Variants in NNT observed in about 807,000 individuals in gnomAD.
The protein encoded by NNT is NAD(P) transhydrogenase, mitochondrial.
NNT carries 50 observed loss-of-function variants against 104.8 expected under a neutral mutation model. That is an observed-to-expected ratio of 0.48 (90% CI 0.38 to 0.60). The LOEUF (loss-of-function observed/expected upper bound fraction) is 0.60. NNT is among the 20% of genes least tolerant of loss of function. The pLI is 0.00. For synonymous variants in NNT, 461 were observed against 490.4 expected (o/e 0.94, Z 0.79); for missense variants, 1,131 against 1,330.7 (o/e 0.85, Z 2.33).
chr5:43,698,177 G>A (rs955770310), intron 19 of NNT, among the ~76,000 whole-genome samples: 1 of 151,120 alleles, frequency 6.6e-6, no homozygotes, highest in Non-Finnish European at 1.5e-5. Flanking sequence ...ATATAATCTT[G>A]TATTAAGACT....
intron 1 of NNT, among the ~76,000 whole-genome samples, chr5:43,603,930 C>T (rs1749068588): frequency 1.3e-5 from 2 of 152,118 alleles, no homozygotes; most frequent in Admixed American, 1.3e-4. Flanking sequence ...GCGACCTGGG[C>T]AGAGCTAGTT....
At chr5:43,633,509 G>T (rs1194551455) in intron 7 of NNT, among the ~76,000 whole-genome samples, 3 of 152,050 alleles carry the variant, frequency 2.0e-5, no homozygotes, top group Non-Finnish European at 4.4e-5. Flanking sequence ...AGTTTCTATT[G>T]CCTCCTGCTC....
At chr5:43,693,821 C>T (rs1198589986) in intron 19 of NNT, among the ~76,000 whole-genome samples, 1 of 152,130 alleles carries the variant, frequency 6.6e-6, no homozygotes, top group East Asian at 1.9e-4. Flanking sequence ...GGATGACCAC[C>T]TAAAACTAAT....
At chr5:43,683,151 G>A (rs1417387196) in intron 19 of NNT, among the ~76,000 whole-genome samples, 2 of 152,226 alleles carry the variant, frequency 1.3e-5, no homozygotes, top group Non-Finnish European at 2.9e-5. Flanking sequence ...CATGGTGGCA[G>A]GATAGTGGGT....
intron 1 of NNT, among the ~76,000 whole-genome samples, chr5:43,607,778 T>G (rs1749303446): frequency 6.6e-6 from 1 of 152,028 alleles, no homozygotes; most frequent in South Asian, 2.1e-4. Context: ...GAGCTAAGTC[T>G]TTCTCCCTCT....
intron 16 of NNT, among the ~76,000 whole-genome samples, chr5:43,657,294 G>C (rs939652814): frequency 6.6e-6 from 1 of 152,188 alleles, no homozygotes; most frequent in Non-Finnish European, 1.5e-5. Flanking sequence ...CTCAGTGAGA[G>C]TATTCAGTGA....
chr5:43,668,368 G>C (rs1740838148), intron 17 of NNT, among the ~76,000 whole-genome samples: 1 of 151,864 alleles, frequency 6.6e-6, no homozygotes, highest in African/African-American at 2.4e-5. Flanking sequence ...CCTATGTCCT[G>C]AATGGTATTG....
rs150219583 is a variant in NNT at position 43,613,662 on chromosome 5, C to A, written c.381+525C>A. On this transcript the variant is annotated intron_variant, in intron 3 of 21. Coordinates refer to ENST00000344920, the MANE Select transcript of NNT (RefSeq NM_182977.3). ...AATAAGTTCTTAAGGTAATATATAA[C>A]AGAAATCTATATACTAAATGACTTG... The A allele has an allele frequency of 6.4e-3, 977 of 152,476 alleles. 2 individuals carry two copies. The highest frequency in any genetic ancestry group is 9.7e-3 in the Non-Finnish European group (662 of 68,264). The allele number at this position is 152,476 out of a possible 1,614,324, so 9.4% of individuals were successfully genotyped here. A position where few individuals can be genotyped will look rare whatever the true frequency, so the allele number is the denominator to read the frequency against.
intron 19 of NNT, among the ~76,000 whole-genome samples, chr5:43,680,195 T>G (rs905477301): frequency 2.0e-5 from 3 of 152,182 alleles, no homozygotes; most frequent in Non-Finnish European, 1.5e-5. Flanking sequence ...GCTTTGTGCG[T>G]GTGTTAGCTT....
At chr5:43,614,376 A>G (rs767081333) in intron 3 of NNT, among the ~76,000 whole-genome samples, 1 of 152,224 alleles carries the variant, frequency 6.6e-6, no homozygotes, top group Non-Finnish European at 1.5e-5. Flanking sequence ...TGAGGAGCGC[A>G]TTCAGGGAAA....
intron 9 of NNT, 60 bp downstream of exon 9, chr5:43,644,862 G>A (rs1751415473): frequency 7.3e-7 from 1 of 1,361,318 alleles, no homozygotes; most frequent in Non-Finnish European, 1.0e-6. Flanking sequence ...TAGAATTTCT[G>A]TTTATGGAAG....
intron 4 of NNT, among the ~76,000 whole-genome samples, chr5:43,618,754 C>T (rs908492115): frequency 3.3e-5 from 5 of 152,196 alleles, no homozygotes; most frequent in African/African-American, 1.2e-4. Flanking sequence ...CTACCATTTA[C>T]TAGCTGAGTG....
In NNT at chr5:43,653,160, GC is replaced by G; in HGVS notation, c.2009del (p.Pro670GlnfsTer4). 1 of 1,614,134 alleles carries G rather than the reference GC, an allele frequency of 6.2e-7. No individual in the cohort carries two copies. The highest frequency in any genetic ancestry group is 8.5e-7 in the Non-Finnish European group (1 of 1,180,038). ...GCCACCCTCGGAGTCCTAAAACCGG[GC>G]CCAGAATTACTAGCTCAGATGTCTG... ...LAATLGVLKP[G>X]PELLAQMSGA... On this transcript the variant is annotated frameshift_variant, in exon 14 of 22. Transcript: ENST00000344920. LOFTEE classifies it high-confidence loss of function.
At position 43,704,316 on chromosome 5, in the gene NNT, A is replaced by G; in HGVS notation, c.3173A>G (p.Tyr1058Cys). The change falls in exon 22 of 22, where the codon TAC becomes TGC. Residue 1058 changes from tyrosine (Y) to cysteine (C), a missense_variant. Tyr to Cys is a radical substitution (Grantham distance 194). Coordinates refer to ENST00000344920, the MANE Select transcript of NNT (RefSeq NM_182977.3). ...GCTGCAGTGGACAATCCAATCTTCT[A>G]CAAACCTAACACGGCCATGCTTCTA... ...GYAAVDNPIF[Y>C]KPNTAMLLGD... 1.2e-6 allele frequency: 2 copies of G among 1,611,420 alleles called. No individual in the cohort carries two copies. Among genetic ancestry groups the G allele is most frequent in the Non-Finnish European group, 1.7e-6 (2 of 1,178,820 alleles).
chr5:43,624,257 C>A, intron 6 of NNT, 137 bp downstream of exon 6: 1 of 766,396 alleles, frequency 1.3e-6, no homozygotes, highest in East Asian at 2.5e-5. Context: ...AAAATGTTTC[C>A]ACTTTTTAAA....
At chr5:43,666,168 A>G (rs1300903801) in intron 17 of NNT, among the ~76,000 whole-genome samples, 3 of 147,514 alleles carry the variant, frequency 2.0e-5, no homozygotes, top group Admixed American at 6.7e-5. Flanking sequence ...AGGCAGAGAC[A>G]CTCCTCACTT....
In NNT at chr5:43,704,492, C is replaced by G; in HGVS notation, c.*88C>G. The G allele has an allele frequency of 7.5e-7, 1 of 1,328,810 alleles. No homozygotes were observed. The highest frequency in any genetic ancestry group is 1.0e-6 in the Non-Finnish European group (1 of 962,788). The allele number at this position is 1,328,810 out of a possible 1,614,324, so 82.3% of individuals were successfully genotyped here. ...AAGTATCAGTATACATGGTGATGTA[C>G]ATCTGTAGCAAAGCTCTTGGAGAAA... On this transcript the variant is annotated 3_prime_UTR_variant, in exon 22 of 22. Transcript: ENST00000344920.
chr5:43,691,064 T>TGAGAGA (rs377384780), intron 19 of NNT, among the ~76,000 whole-genome samples: 92 of 144,850 alleles, frequency 6.4e-4, no homozygotes, highest in South Asian at 2.7e-3. Context: ...AGAATTTTTT[T>TGAGAGA]GAGAGAGTGT....
Position 43,644,597 on chromosome 5 carries a change from T to A in NNT, c.1099-14T>A. ...GGGTGATAGACCTTTTTGACTATAA[T>A]TTTGTTCATTTAGGGAATTACTCAC... On this transcript the variant is annotated splice_polypyrimidine_tract_variant and intron_variant, in intron 8 of 21. Coordinates refer to ENST00000344920, the MANE Select transcript of NNT (RefSeq NM_182977.3). 6.3e-7 allele frequency: 1 copy of A among 1,594,576 alleles called. No homozygotes were observed. The highest frequency in any genetic ancestry group is 8.5e-7 in the Non-Finnish European group (1 of 1,171,528).
Sources: gnomAD v4.1 joint callset for allele counts (sites outside exome capture counted in the v4.1 genomes callset) on GRCh38, gnomAD v4.1.1 for gene constraint, MANE v1.5 for transcripts, NCBI Gene and HGNC (gene_info 2026-07-23, HGNC 2026-07-21) for gene names.